PSG3: variants seen among roughly 807,000 people sequenced by gnomAD.
PSG3 encodes the protein pregnancy-specific beta-1-glycoprotein 3.
Under a neutral mutation model 47.5 loss-of-function variants are expected in PSG3, and 61 were observed. The observed-to-expected ratio is 1.28, with a 90% CI of 1.05 to 1.59. The LOEUF is 1.59. PSG3 is among the 40% of genes most tolerant of loss of function. The probability of loss-of-function intolerance (pLI) is 0.00; values close to 1 mark genes in which losing one functional copy is unlikely to be tolerated. For synonymous variants in PSG3, 263 were observed against 198.4 expected (o/e 1.33, Z -2.74); for missense variants, 756 against 524.0 (o/e 1.44, Z -4.32).
At chr19:42,740,254 T>C (rs536552532) in intron 1 of PSG3, 67 bp downstream of exon 1, 1 of 1,613,146 alleles carries the variant, frequency 6.2e-7, no homozygotes, top group East Asian at 2.2e-5. Flanking sequence ...CAGGAGTCTC[T>C]CCAGGAGACC....
intron 2 of PSG3, 152 bp from the exon 3 acceptor site, chr19:42,733,214 G>C: frequency 6.9e-7 from 1 of 1,450,684 alleles, no homozygotes; most frequent in Non-Finnish European, 9.2e-7. Flanking sequence ...CAGATGCATG[G>C]CAATCTGAGG....
At chr19:42,739,246 T>G (rs1969625298) in intron 1 of PSG3, 157 bp from the exon 2 acceptor site, 1 of 1,270,292 alleles carries the variant, frequency 7.9e-7, no homozygotes, top group African/African-American at 1.5e-5. Context: ...GGGGCATGTG[T>G]ATATGTGTTT....
At chr19:42,726,483 A>G (rs1250440208) in intron 5 of PSG3, among the ~76,000 whole-genome samples, 3 of 152,210 alleles carry the variant, frequency 2.0e-5, no homozygotes, top group Admixed American at 1.3e-4. Flanking sequence ...TTGTATTTCA[A>G]TACACTAACC....
intron 2 of PSG3, chr19:42,734,315 T>G (rs1373982061): frequency 1.3e-5 from 2 of 152,224 alleles, no homozygotes; most frequent in Non-Finnish European, 2.9e-5. Context: ...GCATCCCAAA[T>G]CTGAAAAATT....
chr19:42,736,333 C>A (rs531042681), intron 2 of PSG3, among the ~76,000 whole-genome samples: 2 of 152,280 alleles, frequency 1.3e-5, no homozygotes, highest in Admixed American at 6.5e-5. Context: ...ACCGGCTGAC[C>A]TCATCCATAC....
Position 42,733,101 on chromosome 19 carries a change from C to A in PSG3, c.431-39G>T, listed in dbSNP as rs776661458. ...AGAGAGAAGATTGCCCTGTGTGGCA[C>A]CTTTGATTCCTCCAAAGGCATTTTT... On this transcript the variant is annotated intron_variant, in intron 2 of 6. Coordinates refer to ENST00000327495, the MANE Select transcript of PSG3 (RefSeq NM_021016.4). The A allele has an allele frequency of 3.1e-6, 5 of 1,592,350 alleles. No individual in the cohort carries two copies. The African/African-American group carries it at 4.1e-5, about 13-fold the overall frequency.
At chr19:42,739,875 G>T (rs549986109) in intron 1 of PSG3, among the ~76,000 whole-genome samples, 2 of 151,948 alleles carry the variant, frequency 1.3e-5, no homozygotes, top group Admixed American at 6.6e-5. Flanking sequence ...TTCCTGTTTT[G>T]ACCCCTGTCC....
chr19:42,730,192 A>C, intron 3 of PSG3, 136 bp from the exon 4 acceptor site: 6 of 1,469,154 alleles, frequency 4.1e-6, no homozygotes, highest in Non-Finnish European at 5.5e-6. Context: ...TGCGTGTGTC[A>C]CAAGACAGAT....
intron 2 of PSG3, among the ~76,000 whole-genome samples, chr19:42,737,257 A>T (rs1311816122): frequency 6.6e-6 from 1 of 152,156 alleles, no homozygotes; most frequent in Non-Finnish European, 1.5e-5. Context: ...CTGAAGGACA[A>T]GGGACAGGTG....
At position 42,721,813 on chromosome 19, in the gene PSG3, A is replaced by C. The variant is rs1338209392; in HGVS notation, c.*318T>G. The C allele has an allele frequency of 2.7e-5, 11 of 410,416 alleles. No individual in the cohort carries two copies. The highest frequency in any genetic ancestry group is 8.8e-5 in the Admixed American group (2 of 22,706). 25.4% of individuals were successfully genotyped at this position (410,416 alleles called of 1,614,324 possible). Reference sequence around the variant, plus strand: ...CATAAATCTGGAGAATAAAACATTCAAAGAATCAGCACATTTTCAAATAGA... The same window carrying C: ...CATAAATCTGGAGAATAAAACATTCCAAGAATCAGCACATTTTCAAATAGA... On this transcript the variant is annotated 3_prime_UTR_variant, in exon 7 of 7. Transcript: ENST00000327495.
At position 42,739,545 on chromosome 19, in the gene PSG3, C is replaced by T. The variant is rs578256183; in HGVS notation, c.65-456G>A. 298 of 170,880 alleles carry T rather than the reference C, an allele frequency of 1.7e-3. 3 individuals carry two copies. Among genetic ancestry groups the T allele is most frequent in the African/African-American group, 6.6e-3 (278 of 41,810 alleles). 10.6% of individuals were successfully genotyped at this position (170,880 alleles called of 1,614,324 possible). A position where few individuals can be genotyped will look rare whatever the true frequency, so the allele number is the denominator to read the frequency against. On this transcript the variant is annotated intron_variant, in intron 1 of 6. Transcript: ENST00000327495. ...AGAACTCTTTGCATGTCTGTCTTCCCCCCCATGACAGCGTGAGCTCCGTGA... is the reference window on the plus strand; with the variant it reads ...AGAACTCTTTGCATGTCTGTCTTCCTCCCCATGACAGCGTGAGCTCCGTGA...
At chr19:42,726,828 C>T (rs1474851764) in intron 5 of PSG3, among the ~76,000 whole-genome samples, 1 of 152,148 alleles carries the variant, frequency 6.6e-6, no homozygotes, top group African/African-American at 2.4e-5. Context: ...AATAGACACA[C>T]AGCTTTGAAG....
Position 42,729,318 on chromosome 19 carries a change from G to T in PSG3, c.1048C>A (p.Leu350Ile), listed in dbSNP as rs753294661. 2 of 1,614,130 alleles carry T rather than the reference G, an allele frequency of 1.2e-6. No homozygotes were observed. The highest frequency in any genetic ancestry group is 1.7e-6 in the Non-Finnish European group (2 of 1,179,976). ...SFTYYHSGEN[L>I]YLSCFADSNP... ...GAGTCCGCGAAGCAGGACAAGTAGAGGTTTTCTCCTGAATGGTAATAGGTG... is the reference window on the plus strand; with the variant it reads ...GAGTCCGCGAAGCAGGACAAGTAGATGTTTTCTCCTGAATGGTAATAGGTG... The change falls in exon 5 of 7, where the codon CTC becomes ATC. Residue 350 changes from leucine (L) to isoleucine (I), a missense_variant. Physicochemically the swap from Leu to Ile is conservative, Grantham distance 5. Transcript: ENST00000327495.
rs745668456 is a variant in PSG3 at position 42,740,277 on chromosome 19, T to G, written c.64+44A>C. 40 of 1,613,678 alleles carry G rather than the reference T, an allele frequency of 2.5e-5. No homozygotes were observed. In the Middle Eastern group the frequency reaches 2.5e-3, roughly 100 times the overall value. On this transcript the variant is annotated intron_variant, in intron 1 of 6. Transcript: ENST00000327495. ...TCTCCAGGAGACCCCATCCAGTCAC[T>G]CTGCTTCCTCCTCCTGTCCTCTCCC...
chr19:42,735,460 G>A (rs888415403), intron 2 of PSG3, among the ~76,000 whole-genome samples: 21 of 151,958 alleles, frequency 1.4e-4, no homozygotes, highest in African/African-American at 4.8e-4. Context: ...TCCACCTCCT[G>A]GGTTCATGCC....
At position 42,740,016 on chromosome 19, in the gene PSG3, T is replaced by A. The variant is rs147443743; in HGVS notation, c.64+305A>T. Among the ~76,000 whole-genome samples, 420 of 151,788 alleles carry A rather than the reference T, an allele frequency of 2.8e-3. 1 individual carries two copies. Among genetic ancestry groups the A allele is most frequent in the African/African-American group, 9.8e-3 (404 of 41,416 alleles). On this transcript the variant is annotated intron_variant, in intron 1 of 6. Transcript: ENST00000327495. Reference sequence around the variant, plus strand: ...CGCCCAGGCTGGCGTGCAGTGGCACTATCTCGGCTCACTGCAATTTCTTCC... The same window carrying A: ...CGCCCAGGCTGGCGTGCAGTGGCACAATCTCGGCTCACTGCAATTTCTTCC...
At chr19:42,739,540 C>G (rs974027781) in intron 1 of PSG3, 2 of 172,722 alleles carry the variant, frequency 1.2e-5, no homozygotes, top group Non-Finnish European at 2.5e-5. Flanking sequence ...GCATGTCTGT[C>G]TTCCCCCCCA....
intron 2 of PSG3, 191 bp from the exon 3 acceptor site, chr19:42,733,253 G>A (rs1159072213): frequency 3.4e-5 from 42 of 1,250,248 alleles, no homozygotes; most frequent in South Asian, 1.3e-4. Context: ...TGCCTGCTTC[G>A]TGTGGGAGAA....
chr19:42,739,870 G>A (rs1008290794), intron 1 of PSG3, among the ~76,000 whole-genome samples: 4 of 151,988 alleles, frequency 2.6e-5, no homozygotes, highest in Non-Finnish European at 4.4e-5. Context: ...TGACTTTCCT[G>A]TTTTGACCCC....
Sources: gnomAD v4.1 joint callset for allele counts (sites outside exome capture counted in the v4.1 genomes callset) on GRCh38, gnomAD v4.1.1 for gene constraint, MANE v1.5 for transcripts, NCBI Gene and HGNC (gene_info 2026-07-23, HGNC 2026-07-21) for gene names.